HSF2: variants seen among roughly 807,000 people sequenced by gnomAD.
HSF2 encodes heat shock transcription factor 2, also known as heat shock factor protein 2.
A neutral mutation model predicts 65.0 loss-of-function variants in HSF2; 21 were observed. The observed-to-expected ratio is 0.32, with a 90% CI of 0.23 to 0.47. The LOEUF is 0.47. Ranked by LOEUF, HSF2 falls within the 20% of genes least tolerant of loss-of-function variation. The pLI is 1.00. For missense variants in HSF2, 499 were observed against 628.1 expected (o/e 0.79, Z 2.20); for synonymous variants, 225 against 219.1 (o/e 1.03, Z -0.24).
chr6:122,400,668 C>T (rs1773707788), intron 1 of HSF2, among the ~76,000 whole-genome samples: 1 of 152,152 alleles, frequency 6.6e-6, no homozygotes, highest in South Asian at 2.1e-4. Context: ...GGATGGGTTG[C>T]CTAGGTGACC....
intron 4 of HSF2, among the ~76,000 whole-genome samples, chr6:122,415,335 AC>A (rs1481266502): frequency 1.3e-5 from 2 of 152,188 alleles, no homozygotes; most frequent in Non-Finnish European, 2.9e-5. Flanking sequence ...TTCAACACTT[AC>A]CAAATTATTT....
chr6:122,421,035 A>G (rs1362306971), intron 7 of HSF2, among the ~76,000 whole-genome samples: 4 of 151,916 alleles, frequency 2.6e-5, no homozygotes, highest in African/African-American at 4.8e-5. Flanking sequence ...ATTATATAAT[A>G]ATTGAATATT....
chr6:122,431,874 T>C, intron 12 of HSF2, 51 bp from the exon 13 acceptor site: 3 of 1,521,182 alleles, frequency 2.0e-6, no homozygotes, highest in Non-Finnish European at 2.7e-6. Context: ...TCCCCTCAGC[T>C]TGAACTCAGT....
At chr6:122,430,802 T>C (rs1200685858) in intron 11 of HSF2, among the ~76,000 whole-genome samples, 1 of 152,102 alleles carries the variant, frequency 6.6e-6, no homozygotes, top group Non-Finnish European at 1.5e-5. Flanking sequence ...GGTAAAGATA[T>C]AATTTCCCTA....
intron 1 of HSF2, 26 bp downstream of exon 1, chr6:122,399,856 G>GA: frequency 6.5e-7 from 1 of 1,543,124 alleles, no homozygotes; most frequent in Non-Finnish European, 8.9e-7. Flanking sequence ...GGCGGCCTCT[G>GA]AACCCCCTGA....
intron 11 of HSF2, among the ~76,000 whole-genome samples, chr6:122,428,218 T>C (rs1774379963): frequency 6.6e-6 from 1 of 152,042 alleles, no homozygotes; most frequent in African/African-American, 2.4e-5. Context: ...CTGACTAAAC[T>C]TGGTATATTG....
intron 9 of HSF2, among the ~76,000 whole-genome samples, chr6:122,423,313 T>C (rs1774275830): frequency 6.6e-6 from 1 of 152,172 alleles, no homozygotes; most frequent in South Asian, 2.1e-4. Flanking sequence ...ATTAAACATT[T>C]TATATAGTAT....
At chr6:122,405,498 C>T (rs1773850674) in intron 1 of HSF2, among the ~76,000 whole-genome samples, 1 of 152,096 alleles carries the variant, frequency 6.6e-6, no homozygotes, top group African/African-American at 2.4e-5. Flanking sequence ...ACTGATAGGG[C>T]TGAGATAGAG....
At chr6:122,422,980 T>C in intron 9 of HSF2, 23 bp downstream of exon 9, 1 of 1,610,906 alleles carries the variant, frequency 6.2e-7, no homozygotes, top group Admixed American at 1.7e-5. Context: ...CTAGATGTTG[T>C]CTAAAATTAT....
Position 122,422,651 on chromosome 6 carries a change from T to G in HSF2, c.831-67T>G. 3 of 1,522,724 alleles carry G rather than the reference T, an allele frequency of 2.0e-6. 1 individual carries two copies. The South Asian group carries it at 3.5e-5, about 18-fold the overall frequency. 94.3% of individuals were successfully genotyped at this position (1,522,724 alleles called of 1,614,324 possible). A position where few individuals can be genotyped will look rare whatever the true frequency, so the allele number is the denominator to read the frequency against. On this transcript the variant is annotated intron_variant, in intron 8 of 12. Transcript: ENST00000368455. Reference sequence around the variant, plus strand: ...ATGGGGAGAGAGTTTCCATTTAGAATGAATGGATAGTATGAACTTATTAAA... The same window carrying G: ...ATGGGGAGAGAGTTTCCATTTAGAAGGAATGGATAGTATGAACTTATTAAA...
At chr6:122,407,453 A>G (rs766902497) in intron 1 of HSF2, among the ~76,000 whole-genome samples, 3 of 152,192 alleles carry the variant, frequency 2.0e-5, no homozygotes, top group Non-Finnish European at 2.9e-5. Flanking sequence ...CTTTTTACCA[A>G]TCTAATTGAT....
chr6:122,422,047 G>T (rs1214345806), intron 7 of HSF2, 103 bp from the exon 8 acceptor site: 2 of 771,056 alleles, frequency 2.6e-6, no homozygotes, highest in Non-Finnish European at 4.2e-6. Flanking sequence ...TGCATACCCC[G>T]AGATTCAGTA....
intron 1 of HSF2, among the ~76,000 whole-genome samples, chr6:122,410,899 C>A (rs987267617): frequency 2.7e-4 from 39 of 144,016 alleles, no homozygotes; most frequent in African/African-American, 9.8e-4. Flanking sequence ...CTGTTCAAGT[C>A]GTTGCTTTTA....
chr6:122,429,871 A>G (rs765127325), intron 11 of HSF2, among the ~76,000 whole-genome samples: 1 of 152,048 alleles, frequency 6.6e-6, no homozygotes, highest in Non-Finnish European at 1.5e-5. Context: ...CTTGATGGTG[A>G]TGGATAAGCT....
Position 122,422,840 on chromosome 6 carries a change from G to C in HSF2, c.953G>C (p.Gly318Ala), listed in dbSNP as rs779312725. The stretch of plus-strand genomic sequence containing the variant: ...GAATCCCTAAGTTCAGGCAGTGATG[G>C]CAGCAGCCCTCTCATGTCTAGTGCT... ...ARESLSSGSDGSSPLMSSAVQ... is the reference protein window; with the variant it reads ...ARESLSSGSDASSPLMSSAVQ... The change falls in exon 9 of 13, where the codon GGC becomes GCC. Residue 318 changes from glycine (G) to alanine (A), a missense_variant. Around this residue, in one of 2 missense-constraint regions of HSF2, gnomAD observed 349 missense variants for 393.5 expected, o/e 0.89. Transcript: ENST00000368455. 3 of 1,613,740 alleles carry C rather than the reference G, an allele frequency of 1.9e-6. No individual in the cohort carries two copies. In the South Asian group the frequency reaches 3.3e-5, roughly 18 times the overall value.
intron 11 of HSF2, among the ~76,000 whole-genome samples, chr6:122,430,581 T>A (rs534028358): frequency 5.9e-5 from 9 of 152,260 alleles, no homozygotes; most frequent in African/African-American, 1.9e-4. Flanking sequence ...CTTGGAGCCC[T>A]TATTTTCTCT....
At chr6:122,410,597 A>G (rs1773967900) in intron 1 of HSF2, among the ~76,000 whole-genome samples, 1 of 151,798 alleles carries the variant, frequency 6.6e-6, no homozygotes, top group African/African-American at 2.4e-5. Flanking sequence ...GCCCCTGACA[A>G]CCACCATTCT....
chr6:122,412,789 A>C, intron 3 of HSF2, 25 bp downstream of exon 3: 1 of 1,610,240 alleles, frequency 6.2e-7, no homozygotes, highest in Non-Finnish European at 8.5e-7. Context: ...ACGTGAGCTA[A>C]TTAGGGTATT....
chr6:122,412,290 C>T (rs1309568434), intron 1 of HSF2, 83 bp from the exon 2 acceptor site: 2 of 805,194 alleles, frequency 2.5e-6, no homozygotes, highest in Non-Finnish European at 4.3e-6. Context: ...CTACTCAAGA[C>T]AGTTGTGGGA....
Sources: gnomAD v4.1 joint callset for allele counts (sites outside exome capture counted in the v4.1 genomes callset) on GRCh38, gnomAD v4.1.1 for gene constraint, gnomAD v4.1.1 regional missense constraint, MANE v1.5 for transcripts, NCBI Gene and HGNC (gene_info 2026-07-23, HGNC 2026-07-21) for gene names.